DIP2C: variants seen among roughly 807,000 people sequenced by gnomAD.
The protein encoded by DIP2C is disco-interacting protein 2 homolog C.
Under a neutral mutation model 192.4 loss-of-function variants are expected in DIP2C, and 33 were observed. The ratio of observed to expected loss-of-function variants is 0.17; its 90% CI spans 0.13 to 0.23. The LOEUF (loss-of-function observed/expected upper bound fraction) is 0.23. Ranked by LOEUF, DIP2C falls within the 10% of genes least tolerant of loss-of-function variation. DIP2C has a pLI of 1.00. For synonymous variants in DIP2C, 979 were observed against 864.1 expected, an observed-to-expected ratio of 1.13 and a Z score of -2.33; for missense variants, 1,537 against 2,110.1, an observed-to-expected ratio of 0.73 and a Z score of 5.32.
chr10:609,843 T>C (rs1398553995), intron 1 of DIP2C, among the ~76,000 whole-genome samples: 1 of 152,154 alleles, frequency 6.6e-6, no homozygotes, highest in East Asian at 1.9e-4. Context: ...GCTTGGTCAG[T>C]GCAGCCGGGT....
intron 1 of DIP2C, among the ~76,000 whole-genome samples, chr10:588,483 G>A (rs557316793): frequency 3.9e-5 from 6 of 152,366 alleles, no homozygotes; most frequent in African/African-American, 9.6e-5. Context: ...GGAATGAGAG[G>A]TCAGGGAAAG....
In DIP2C at chr10:390,049, C is replaced by G; in HGVS notation, c.1539G>C (p.Thr513=). Residue 513 remains threonine, a synonymous_variant, in exon 13 of 37, where the codon ACG becomes ACC. Transcript: ENST00000280886. ...GGCAGTGTGTCAGCAGCGCAGTCCT[C>G]GTCACCGTCACACCCAGCACACTGC... ...KDGSVLGVTV[T]RTALLTHCQA... The G allele has an allele frequency of 6.2e-7, 1 of 1,614,150 alleles. No homozygotes were observed. Among genetic ancestry groups the G allele is most frequent in the Non-Finnish European group, 8.5e-7 (1 of 1,180,006 alleles).
At chr10:528,917 A>G (rs1276174877) in intron 1 of DIP2C, among the ~76,000 whole-genome samples, 1 of 152,192 alleles carries the variant, frequency 6.6e-6, no homozygotes, top group East Asian at 1.9e-4. Context: ...CAGAACCTAA[A>G]TAACACGCAA....
At chr10:528,925 C>G (rs1054444345) in intron 1 of DIP2C, among the ~76,000 whole-genome samples, 3 of 152,182 alleles carry the variant, frequency 2.0e-5, no homozygotes, top group Non-Finnish European at 2.9e-5. Flanking sequence ...AAATAACACG[C>G]AAGAAACAAC....
intron 1 of DIP2C, among the ~76,000 whole-genome samples, chr10:678,367 A>G (rs1054637485): frequency 1.3e-5 from 2 of 152,130 alleles, no homozygotes; most frequent in African/African-American, 2.4e-5. Flanking sequence ...TCTTTAAAAA[A>G]AGAAAGAATT....
intron 1 of DIP2C, among the ~76,000 whole-genome samples, chr10:529,062 G>A (rs1847227086): frequency 6.6e-6 from 1 of 152,184 alleles, no homozygotes; most frequent in South Asian, 2.1e-4. Flanking sequence ...CATCTCCCTA[G>A]AACCTGCCCA....
intron 1 of DIP2C, among the ~76,000 whole-genome samples, chr10:511,064 A>C (rs1451501902): frequency 6.6e-6 from 1 of 152,238 alleles, no homozygotes; most frequent in African/African-American, 2.4e-5. Flanking sequence ...AGACACACGT[A>C]AGTCTTTCTT....
intron 18 of DIP2C, among the ~76,000 whole-genome samples, chr10:367,228 T>C (rs530620785): frequency 3.7e-4 from 56 of 152,146 alleles, no homozygotes; most frequent in Non-Finnish European, 5.3e-4. Flanking sequence ...CCATCCTGGC[T>C]AACATGGTGA....
chr10:376,724 G>A (rs1205779716), intron 17 of DIP2C, among the ~76,000 whole-genome samples: 1 of 152,070 alleles, frequency 6.6e-6, no homozygotes, highest in African/African-American at 2.4e-5. Context: ...TTTCCTCTCT[G>A]GGCCACTCTT....
At chr10:529,952 C>T (rs1304265152) in intron 1 of DIP2C, among the ~76,000 whole-genome samples, 1 of 152,234 alleles carries the variant, frequency 6.6e-6, no homozygotes, top group Non-Finnish European at 1.5e-5. Context: ...CTAACAAATT[C>T]CTAATTCGCC....
intron 28 of DIP2C, among the ~76,000 whole-genome samples, chr10:341,840 G>A (rs1173421660): frequency 6.6e-6 from 1 of 152,152 alleles, no homozygotes; most frequent in African/African-American, 2.4e-5. Context: ...GATTACCACT[G>A]CACTCCAGCC....
intron 32 of DIP2C, among the ~76,000 whole-genome samples, chr10:304,742 TTA>T (rs941414677): frequency 6.5e-5 from 6 of 92,564 alleles, no homozygotes; most frequent in African/African-American, 2.3e-4. Context: ...TGTAACATAC[TTA>T]CACACACATA....
intron 1 of DIP2C, among the ~76,000 whole-genome samples, chr10:597,874 A>G (rs1389121290): frequency 6.6e-6 from 1 of 152,180 alleles, no homozygotes; most frequent in Non-Finnish European, 1.5e-5. Context: ...TTATGGAAAT[A>G]CGGGAGAAAC....
At chr10:489,909 G>A (rs1439865221) in intron 1 of DIP2C, among the ~76,000 whole-genome samples, 2 of 35,402 alleles carry the variant, frequency 5.6e-5, no homozygotes, top group Non-Finnish European at 6.3e-5. Flanking sequence ...GGCTCTGACG[G>A]TGCCTGGTCC....
chr10:395,814 GTCC>G (rs1014015540), intron 10 of DIP2C, among the ~76,000 whole-genome samples: 48 of 152,296 alleles, frequency 3.2e-4, no homozygotes, highest in African/African-American at 1.1e-3. Context: ...CTGTCCCCGT[GTCC>G]TCATCACATG....
chr10:298,557 A>T (rs1002830800), intron 32 of DIP2C, among the ~76,000 whole-genome samples: 6 of 152,174 alleles, frequency 3.9e-5, no homozygotes, highest in African/African-American at 1.4e-4. Context: ...TGCTGGCCTC[A>T]TGGAGGGCAC....
At chr10:364,926 G>A (rs961719185) in intron 19 of DIP2C, 54 of 543,766 alleles carry the variant, frequency 9.9e-5, no homozygotes, top group African/African-American at 3.8e-5. Context: ...TGTAAAAGAC[G>A]AGTGAAGAGT....
intron 1 of DIP2C, among the ~76,000 whole-genome samples, chr10:637,154 G>T (rs1163974322): frequency 6.6e-6 from 1 of 152,266 alleles, no homozygotes; most frequent in Non-Finnish European, 1.5e-5. Context: ...TCTGAAGCCA[G>T]AAAATCTGAC....
At chr10:627,104 G>A (rs929458568) in intron 1 of DIP2C, among the ~76,000 whole-genome samples, 2 of 152,240 alleles carry the variant, frequency 1.3e-5, no homozygotes, top group Non-Finnish European at 2.9e-5. Context: ...ATCCGCGTGG[G>A]GCTCAGAGAT....
Sources: gnomAD v4.1 joint callset for allele counts (sites outside exome capture counted in the v4.1 genomes callset) on GRCh38, gnomAD v4.1.1 for gene constraint, MANE v1.5 for transcripts, NCBI Gene and HGNC (gene_info 2026-07-23, HGNC 2026-07-21) for gene names.